Variants in C16orf74 observed in about 807,000 individuals in gnomAD.
The protein encoded by C16orf74 is uncharacterized protein C16orf74.
A neutral mutation model predicts 6.5 loss-of-function variants in C16orf74; 10 were observed. The observed-to-expected ratio is 1.54, with a 90% CI of 0.95 to 2.61. C16orf74 has a LOEUF of 2.61. Ranked by LOEUF, C16orf74 falls within the 30% of genes most tolerant of loss-of-function variation. The pLI is 0.00. For synonymous variants in C16orf74, 60 were observed against 42.5 expected, an observed-to-expected ratio of 1.41 and a Z score of -1.60; for missense variants, 141 against 105.9, an observed-to-expected ratio of 1.33 and a Z score of -1.45.
chr16:85,737,052 A>C (rs560197169), intron 1 of C16orf74, among the ~76,000 whole-genome samples: 46 of 152,184 alleles, frequency 3.0e-4, no homozygotes, highest in African/African-American at 1.0e-3. Flanking sequence ...CGAGAAAAAA[A>C]AAAATGTAAA....
intron 1 of C16orf74, among the ~76,000 whole-genome samples, chr16:85,749,293 TA>T (rs1420306899): frequency 1.3e-5 from 2 of 152,142 alleles, no homozygotes; most frequent in Non-Finnish European, 2.9e-5. Context: ...AATTTATTAT[TA>T]TTTTTTTAAG....
chr16:85,743,569 C>T (rs2054334267), intron 1 of C16orf74: 2 of 152,154 alleles, frequency 1.3e-5, no homozygotes, highest in Admixed American at 1.3e-4. Flanking sequence ...TTCCACACGC[C>T]AGAATTCTAG....
intron 1 of C16orf74, among the ~76,000 whole-genome samples, chr16:85,744,747 G>A (rs1409583009): frequency 2.1e-5 from 3 of 143,482 alleles, no homozygotes; most frequent in Admixed American, 1.4e-4. Context: ...GGAGAATGGT[G>A]TCAGCCCACG....
chr16:85,736,238 G>T (rs1176816707), intron 1 of C16orf74, among the ~76,000 whole-genome samples: 1 of 152,178 alleles, frequency 6.6e-6, no homozygotes, highest in Non-Finnish European at 1.5e-5. Flanking sequence ...ACGCCAAGGA[G>T]CAAGTCTGCT....
chr16:85,750,020 G>C (rs957902197), intron 1 of C16orf74, among the ~76,000 whole-genome samples: 2 of 152,244 alleles, frequency 1.3e-5, no homozygotes. Context: ...GCCCAGGACA[G>C]GGGCCTCCCC....
At chr16:85,727,935 C>T (rs957705159) in intron 2 of C16orf74, among the ~76,000 whole-genome samples, 1 of 148,196 alleles carries the variant, frequency 6.7e-6, no homozygotes, top group Non-Finnish European at 1.5e-5. Flanking sequence ...TAAGACTAGC[C>T]CGAGCAACAA....
chr16:85,721,684 CAG>C lies in C16orf74; in HGVS notation c.29-11379_29-11378del, dbSNP rs1390524056. On this transcript the variant is annotated intron_variant, in intron 2 of 3. Transcript: ENST00000284245. ...GCCCGTCACCCACGGTCTTCAAAGA[CAG>C]GGGTAATTGTCATTCACTGCAACAA... Among the ~76,000 whole-genome samples the C allele has an allele frequency of 3.3e-5, 5 of 152,352 alleles. No individual in the cohort carries two copies. In the South Asian group the frequency reaches 6.2e-4, roughly 19 times the overall value.
chr16:85,708,316 C>A (rs1450745985), intron 3 of C16orf74, among the ~76,000 whole-genome samples: 3 of 152,094 alleles, frequency 2.0e-5, no homozygotes, highest in African/African-American at 7.3e-5. Flanking sequence ...TGTAGAGTAA[C>A]CCTGTGTCTC....
chr16:85,708,986 A>T (rs1229569358), intron 3 of C16orf74, among the ~76,000 whole-genome samples: 1 of 152,264 alleles, frequency 6.6e-6, no homozygotes, highest in African/African-American at 2.4e-5. Context: ...CAGATCACAC[A>T]GCCTGGGGCT....
chr16:85,730,698 T>A (rs1451791420), intron 2 of C16orf74, among the ~76,000 whole-genome samples: 4 of 126,460 alleles, frequency 3.2e-5, no homozygotes, highest in Admixed American at 2.9e-4. Flanking sequence ...AGGTAAACCC[T>A]CTTAGACCAG....
intron 2 of C16orf74, among the ~76,000 whole-genome samples, chr16:85,734,584 T>A (rs773882576): frequency 6.6e-6 from 1 of 152,092 alleles, no homozygotes; most frequent in Non-Finnish European, 1.5e-5. Context: ...ACTCCCAGGT[T>A]TTTGGCTGGG....
At chr16:85,737,554 G>A (rs927632591) in intron 1 of C16orf74, among the ~76,000 whole-genome samples, 1 of 152,306 alleles carries the variant, frequency 6.6e-6, no homozygotes, top group African/African-American at 2.4e-5. Flanking sequence ...TTACGCCTGG[G>A]CGCGGTGGCT....
chr16:85,743,538 G>C (rs767190991), intron 1 of C16orf74: 1 of 152,174 alleles, frequency 6.6e-6, no homozygotes, highest in African/African-American at 2.4e-5. Flanking sequence ...CCACATCACT[G>C]CACTGGGTTG....
At chr16:85,723,958 G>T (rs1016200973) in intron 2 of C16orf74, among the ~76,000 whole-genome samples, 2 of 152,228 alleles carry the variant, frequency 1.3e-5, no homozygotes, top group Non-Finnish European at 2.9e-5. Flanking sequence ...GCCCGGCCAT[G>T]TCCAGCAGCT....
At chr16:85,726,108 C>T (rs1361061604) in intron 2 of C16orf74, among the ~76,000 whole-genome samples, 6 of 152,208 alleles carry the variant, frequency 3.9e-5, no homozygotes, top group Non-Finnish European at 8.8e-5. Context: ...CCAGTGTCGG[C>T]ACCACAGAGA....
At chr16:85,736,426 C>T (rs768134066) in intron 1 of C16orf74, among the ~76,000 whole-genome samples, 1 of 152,094 alleles carries the variant, frequency 6.6e-6, no homozygotes, top group Non-Finnish European at 1.5e-5. Context: ...GTCAGAGATG[C>T]TTGCTCTGGG....
intron 1 of C16orf74, among the ~76,000 whole-genome samples, chr16:85,740,177 C>A (rs2054288041): frequency 2.2e-5 from 3 of 134,150 alleles, no homozygotes; most frequent in Middle Eastern, 0.011. Flanking sequence ...GCCATTGCAC[C>A]CATAGGCTGG....
At chr16:85,709,789 C>T (rs2053949394) in intron 3 of C16orf74, among the ~76,000 whole-genome samples, 1 of 152,226 alleles carries the variant, frequency 6.6e-6, no homozygotes, top group Non-Finnish European at 1.5e-5. Context: ...CCAAGTCTGT[C>T]CTGTCCGGCC....
At chr16:85,735,116 C>G in intron 2 of C16orf74, 74 bp downstream of exon 2, 4 of 1,368,776 alleles carry the variant, frequency 2.9e-6, no homozygotes, top group Non-Finnish European at 4.1e-6. Context: ...GGCTTCAACT[C>G]CCCTCTCTCC....
Sources: gnomAD v4.1 joint callset for allele counts (sites outside exome capture counted in the v4.1 genomes callset) on GRCh38, gnomAD v4.1.1 for gene constraint, MANE v1.5 for transcripts, NCBI Gene and HGNC (gene_info 2026-07-23, HGNC 2026-07-21) for gene names.